Variants in DNAJC12 observed in about 807,000 individuals in gnomAD.
DNAJC12 encodes the protein DnaJ heat shock protein family (Hsp40) member C12.
DNAJC12 carries 25 observed loss-of-function variants against 28.5 expected under a neutral mutation model. The ratio of observed to expected loss-of-function variants is 0.88; its 90% CI spans 0.64 to 1.22. DNAJC12 has a LOEUF of 1.22. DNAJC12 is among the 50% of genes most tolerant of loss of function. The pLI, the probability that DNAJC12 is intolerant of heterozygous loss-of-function variation, is 0.00. For synonymous variants in DNAJC12, 77 were observed against 80.6 expected, an observed-to-expected ratio of 0.95 and a Z score of 0.24; for missense variants, 222 against 231.7, an observed-to-expected ratio of 0.96 and a Z score of 0.27.
intron 4 of DNAJC12, among the ~76,000 whole-genome samples, chr10:67,798,125 C>T (rs1021726723): frequency 2.0e-5 from 3 of 151,534 alleles, no homozygotes; most frequent in African/African-American, 7.3e-5. Context: ...AATGGATGCA[C>T]CCAACGATTT....
rs373740324 is a variant in DNAJC12, at chr10:67,805,775, C to T, written c.310G>A (p.Val104Ile). The T allele has an allele frequency of 6.3e-7, 1 of 1,587,856 alleles. No homozygotes were observed. The highest frequency in any genetic ancestry group is 8.5e-7 in the Non-Finnish European group (1 of 1,172,538). ...ATCAGGTCTTTTTTACCTCTGACAA[C>T]CCAGTGCATTGACTAAATTAATGTA... is the stretch of plus-strand genomic sequence containing the variant. ...NDSVKTSMHW[V>I]VRGKKDLMLE... Residue 104 changes from valine (V) to isoleucine (I), a missense_variant, in exon 4 of 5, where the codon GTT (valine) becomes ATT (isoleucine). Coordinates refer to ENST00000225171, the MANE Select transcript of DNAJC12 (RefSeq NM_021800.3).
chr10:67,816,078 G>A (rs2131801059), intron 2 of DNAJC12: 2 of 398,466 alleles, frequency 5.0e-6, no homozygotes, highest in East Asian at 3.6e-5. Flanking sequence ...TAAGCTTATA[G>A]GAGCAAATGA....
chr10:67,807,037 G>A (rs952211852), intron 3 of DNAJC12, among the ~76,000 whole-genome samples: 1 of 152,046 alleles, frequency 6.6e-6, no homozygotes, highest in Non-Finnish European at 1.5e-5. Flanking sequence ...CTAGGTGGAT[G>A]GATCACAAGG....
At chr10:67,797,311 A>G in intron 4 of DNAJC12, 101 bp from the exon 5 acceptor site, 1 of 862,534 alleles carries the variant, frequency 1.2e-6, no homozygotes, top group South Asian at 1.6e-5. Flanking sequence ...CAGCAGGTAC[A>G]ATGTAAGGGT....
chr10:67,816,174 T>C (rs879262632), intron 2 of DNAJC12: 2 of 397,950 alleles, frequency 5.0e-6, no homozygotes, highest in African/African-American at 2.1e-5. Context: ...TATTTTGCAA[T>C]AGAATTTGTA....
chr10:67,802,641 G>C (rs1210677197), intron 4 of DNAJC12, among the ~76,000 whole-genome samples: 1 of 151,910 alleles, frequency 6.6e-6, no homozygotes, highest in Non-Finnish European at 1.5e-5. Context: ...ATAGAGATTC[G>C]AATCTATATT....
rs796993536 is a variant in DNAJC12 at position 67,826,484 on chromosome 10, G to C, written c.79-3092C>G. On this transcript the variant is annotated intron_variant, in intron 1 of 4. Coordinates refer to ENST00000225171, the MANE Select transcript of DNAJC12 (RefSeq NM_021800.3). Reference sequence around the variant, plus strand: ...TATATATGCATATATATATATATAAGATGCTTATATATATGCATATATATC... The same window carrying C: ...TATATATGCATATATATATATATAACATGCTTATATATATGCATATATATC... Among the ~76,000 whole-genome samples the C allele has an allele frequency of 2.2e-5, 3 of 136,476 alleles. No homozygotes were observed. In the South Asian group the frequency reaches 6.8e-4, roughly 31 times the overall value. The allele number at this position is 136,476 out of a possible 152,430, so 89.5% of individuals were successfully genotyped here.
intron 3 of DNAJC12, among the ~76,000 whole-genome samples, chr10:67,807,810 A>T (rs968534473): frequency 1.3e-5 from 2 of 152,266 alleles, no homozygotes; most frequent in Non-Finnish European, 2.9e-5. Flanking sequence ...TCTAATCCAC[A>T]GTAAATGCTT....
intron 1 of DNAJC12, among the ~76,000 whole-genome samples, chr10:67,833,392 A>G (rs1291816620): frequency 6.6e-6 from 1 of 152,038 alleles, no homozygotes; most frequent in Admixed American, 6.6e-5. Context: ...AGGTGAGGCA[A>G]GCAGGACACC....
intron 4 of DNAJC12, among the ~76,000 whole-genome samples, chr10:67,804,617 T>C (rs1308724421): frequency 6.6e-6 from 1 of 152,216 alleles, no homozygotes; most frequent in Non-Finnish European, 1.5e-5. Flanking sequence ...AGATAATAAG[T>C]AGTAGAGCTA....
chr10:67,796,851 A>G lies in DNAJC12; in HGVS notation c.*265T>C, dbSNP rs2131783044. On this transcript the variant is annotated 3_prime_UTR_variant, in exon 5 of 5. Coordinates refer to ENST00000225171, the MANE Select transcript of DNAJC12 (RefSeq NM_021800.3). ...TGCTTTTTAATGGATTTCTATAAGT[A>G]GTATTAATAGGAAAAAGCATATAAT... 3.7e-6 allele frequency: 1 copy of G among 267,548 alleles called. No individual in the cohort carries two copies. The highest frequency in any genetic ancestry group is 7.2e-5 in the East Asian group (1 of 13,888). The allele number at this position is 267,548 out of a possible 1,614,324, so 16.6% of individuals were successfully genotyped here.
intron 3 of DNAJC12, among the ~76,000 whole-genome samples, chr10:67,810,675 C>T (rs1053000791): frequency 3.9e-5 from 6 of 152,088 alleles, no homozygotes; most frequent in African/African-American, 1.2e-4. Flanking sequence ...CTTTGGGAGG[C>T]CGAGGTCTTT....
intron 4 of DNAJC12, among the ~76,000 whole-genome samples, chr10:67,804,423 T>C (rs1268422703): frequency 6.6e-6 from 1 of 152,002 alleles, no homozygotes; most frequent in Non-Finnish European, 1.5e-5. Context: ...ATCACAGGAG[T>C]GATCATCACA....
intron 1 of DNAJC12, among the ~76,000 whole-genome samples, chr10:67,835,184 C>A (rs1468287195): frequency 6.6e-6 from 1 of 152,076 alleles, no homozygotes; most frequent in Non-Finnish European, 1.5e-5. Context: ...TGTCTCAATT[C>A]AATTGTGATA....
intron 4 of DNAJC12, among the ~76,000 whole-genome samples, chr10:67,800,780 C>T (rs1002411348): frequency 5.3e-5 from 8 of 152,030 alleles, no homozygotes; most frequent in Admixed American, 4.6e-4. Context: ...TCCGTCTCTA[C>T]TAAAAACACA....
intron 4 of DNAJC12, among the ~76,000 whole-genome samples, chr10:67,804,835 C>T (rs931275305): frequency 6.6e-6 from 1 of 152,066 alleles, no homozygotes; most frequent in Non-Finnish European, 1.5e-5. Flanking sequence ...AGTTTGAGAC[C>T]AGCCTGGCCA....
At chr10:67,800,952 A>G (rs1441227497) in intron 4 of DNAJC12, among the ~76,000 whole-genome samples, 4 of 152,184 alleles carry the variant, frequency 2.6e-5, no homozygotes, top group Non-Finnish European at 5.9e-5. Context: ...AAAAAAAAAA[A>G]AAATTTCTTT....
chr10:67,811,402 CTCTGCTAACTTCTTGGTTT>C, intron 3 of DNAJC12, 103 bp downstream of exon 3: 2 of 1,523,788 alleles, frequency 1.3e-6, no homozygotes, highest in Non-Finnish European at 1.8e-6. Flanking sequence ...TATATCCAGA[CTCTGCTAACTTCTTGGTTT>C]TCTCCCTCCT....
chr10:67,832,264 T>C (rs1236144102), intron 1 of DNAJC12, among the ~76,000 whole-genome samples: 1 of 119,222 alleles, frequency 8.4e-6, no homozygotes, highest in Admixed American at 9.3e-5. Flanking sequence ...AAACTCCATC[T>C]CAAAAAAAAA....
Sources: allele counts gnomAD v4.1 joint callset (sites outside exome capture counted in the v4.1 genomes callset), GRCh38; gene constraint gnomAD v4.1.1; transcripts MANE v1.5; gene names NCBI Gene and HGNC (gene_info 2026-07-23, HGNC 2026-07-21).